The following UQCC1 variants were observed in gnomAD, a reference collection of about 807,000 sequenced individuals.
The protein encoded by UQCC1 is ubiquinol-cytochrome c reductase complex assembly factor 1, also known as bFGF-repressed Zic-binding protein.
Under a neutral mutation model 48.0 loss-of-function variants are expected in UQCC1, and 38 were observed. The observed-to-expected ratio is 0.79, with a 90% CI of 0.61 to 1.04. The LOEUF (loss-of-function observed/expected upper bound fraction) is 1.04. Among genes scored for constraint, UQCC1 ranks in the 50% least tolerant of loss-of-function variants. UQCC1 has a pLI of 0.00. For missense variants in UQCC1, 368 were observed against 381.8 expected (o/e 0.96, Z 0.30); for synonymous variants, 111 against 129.2 (o/e 0.86, Z 0.95).
intron 8 of UQCC1, 25 bp from the exon 9 acceptor site, chr20:35,306,804 T>C (rs773958627): frequency 1.9e-6 from 3 of 1,563,130 alleles, no homozygotes; most frequent in South Asian, 2.2e-5. Flanking sequence ...ACAGCAGTGG[T>C]CTCCTGAGGG....
intron 1 of UQCC1, among the ~76,000 whole-genome samples, chr20:35,397,365 A>G (rs1485020374): frequency 6.6e-6 from 1 of 151,562 alleles, no homozygotes; most frequent in African/African-American, 2.4e-5. Context: ...AATACAAAAA[A>G]ATTAGCCAGG....
chr20:35,304,165 G>A, intron 9 of UQCC1, 96 bp from the exon 10 acceptor site: 1 of 1,544,360 alleles, frequency 6.5e-7, no homozygotes, highest in Non-Finnish European at 8.8e-7. Flanking sequence ...GAGGAAGGAA[G>A]GGGACGGGGC....
At chr20:35,331,491 G>A (rs768953371) in intron 7 of UQCC1, among the ~76,000 whole-genome samples, 8 of 151,452 alleles carry the variant, frequency 5.3e-5, no homozygotes, top group Non-Finnish European at 5.9e-5. Context: ...GAACCACAAA[G>A]GGCTTTCCCA....
chr20:35,315,799 T>C (rs1336194291), intron 7 of UQCC1, among the ~76,000 whole-genome samples: 1 of 151,950 alleles, frequency 6.6e-6, no homozygotes, highest in Admixed American at 6.6e-5. Context: ...CTGAGGTGCA[T>C]CACTTGAGCC....
At position 35,379,963 on chromosome 20, in the gene UQCC1, G is replaced by A. The variant is rs543709229; in HGVS notation, c.333+1955C>T. Among the ~76,000 whole-genome samples the A allele has an allele frequency of 4.0e-4, 61 of 152,198 alleles. 3 individuals are homozygous for A. In the South Asian group the frequency reaches 0.012, roughly 31 times the overall value. On this transcript the variant is annotated intron_variant, in intron 4 of 9. Transcript: ENST00000374385. ...GGCTAACTTAGGCTAAAAGAGCAAAGGAATTTTCCTGATGATTTAGTAATC... is the reference window on the plus strand; with the variant it reads ...GGCTAACTTAGGCTAAAAGAGCAAAAGAATTTTCCTGATGATTTAGTAATC...
chr20:35,391,380 G>A (rs755488651), intron 2 of UQCC1, among the ~76,000 whole-genome samples: 9 of 152,128 alleles, frequency 5.9e-5, no homozygotes, highest in Non-Finnish European at 8.8e-5. Flanking sequence ...CCAGCACTTG[G>A]GGAGGCCCAC....
chr20:35,384,271 AC>A, intron 2 of UQCC1, 138 bp from the exon 3 acceptor site: 1 of 655,838 alleles, frequency 1.5e-6, no homozygotes. Context: ...CACCAGGAAG[AC>A]CCAAGATCAG....
chr20:35,347,403 T>C lies in UQCC1; in HGVS notation c.465-131A>G, dbSNP rs752520714. ...AAATCAAACTGGAAGTGAACTTTTT[T>C]TTTTTAAACTTTTACTGAGATATAA... is the stretch of plus-strand genomic sequence containing the variant. On this transcript the variant is annotated intron_variant, in intron 6 of 9. Transcript: ENST00000374385. The C allele has an allele frequency of 2.5e-4, 248 of 981,386 alleles. 1 individual carries two copies. Among genetic ancestry groups the C allele is most frequent in the Non-Finnish European group, 3.3e-4 (221 of 667,838 alleles). 60.8% of individuals were successfully genotyped at this position (981,386 alleles called of 1,614,324 possible).
At chr20:35,407,279 T>G (rs1450386186) in intron 1 of UQCC1, among the ~76,000 whole-genome samples, 1 of 151,696 alleles carries the variant, frequency 6.6e-6, no homozygotes, top group African/African-American at 2.4e-5. Context: ...AACATAAAAA[T>G]TAGCCAGGTG....
chr20:35,368,350 C>A (rs1339952367), intron 5 of UQCC1, among the ~76,000 whole-genome samples: 4 of 152,138 alleles, frequency 2.6e-5, no homozygotes, highest in Non-Finnish European at 4.4e-5. Flanking sequence ...CTCCCAATAA[C>A]CCTGAGGTAG....
chr20:35,377,148 T>C (rs924654289), intron 4 of UQCC1, among the ~76,000 whole-genome samples: 2 of 152,128 alleles, frequency 1.3e-5, no homozygotes, highest in South Asian at 2.1e-4. Context: ...TTCATGAACA[T>C]AGATCATTGA....
chr20:35,336,957 AC>A (rs1339315816), intron 7 of UQCC1, among the ~76,000 whole-genome samples: 1 of 152,194 alleles, frequency 6.6e-6, no homozygotes. Context: ...CCATGCCTAG[AC>A]CCTGCTCCTC....
chr20:35,358,446 T>C (rs1209099957), intron 6 of UQCC1, among the ~76,000 whole-genome samples: 1 of 99,018 alleles, frequency 1.0e-5, no homozygotes, highest in Non-Finnish European at 2.2e-5. Flanking sequence ...CTTAAAAAAA[T>C]CTTGTAATGA....
intron 9 of UQCC1, among the ~76,000 whole-genome samples, chr20:35,305,599 G>A (rs1243546871): frequency 1.3e-5 from 2 of 152,240 alleles, no homozygotes; most frequent in Non-Finnish European, 2.9e-5. Flanking sequence ...GGCTCTAGCA[G>A]ATTTGAAGAG....
chr20:35,392,618 C>A (rs201827801), intron 2 of UQCC1, among the ~76,000 whole-genome samples: 1 of 152,116 alleles, frequency 6.6e-6, no homozygotes, highest in East Asian at 1.9e-4. Flanking sequence ...GAAATACCTG[C>A]ATAACTACCC....
At chr20:35,352,159 CTGAAGT>C (rs1476430568) in intron 6 of UQCC1, among the ~76,000 whole-genome samples, 1 of 152,170 alleles carries the variant, frequency 6.6e-6, no homozygotes, top group African/African-American at 2.4e-5. Flanking sequence ...GAAGGATAAG[CTGAAGT>C]TGAAGAGGTT....
intron 4 of UQCC1, among the ~76,000 whole-genome samples, chr20:35,377,089 T>C (rs991320662): frequency 1.1e-4 from 17 of 152,234 alleles, no homozygotes; most frequent in African/African-American, 4.1e-4. Context: ...CTTATCCTGA[T>C]ATCAAAATCA....
chr20:35,348,203 C>G (rs1031415425), intron 6 of UQCC1, among the ~76,000 whole-genome samples: 1 of 152,184 alleles, frequency 6.6e-6, no homozygotes, highest in Non-Finnish European at 1.5e-5. Flanking sequence ...AGGACCTTTT[C>G]CCCTATACCA....
At chr20:35,395,266 C>T (rs1323930164) in intron 1 of UQCC1, among the ~76,000 whole-genome samples, 4 of 152,132 alleles carry the variant, frequency 2.6e-5, no homozygotes, top group Non-Finnish European at 5.9e-5. Flanking sequence ...ACCTTCTACA[C>T]ACATATTTGT....
Sources: gnomAD v4.1 joint callset for allele counts (sites outside exome capture counted in the v4.1 genomes callset) on GRCh38, gnomAD v4.1.1 for gene constraint, MANE v1.5 for transcripts, NCBI Gene and HGNC (gene_info 2026-07-23, HGNC 2026-07-21) for gene names.